Variants in NTRK2 observed in about 807,000 individuals in gnomAD.
The protein encoded by NTRK2 is BDNF/NT-3 growth factors receptor.
NTRK2 carries 13 observed loss-of-function variants against 94.5 expected under a neutral mutation model. That is an observed-to-expected ratio of 0.14 (90% CI 0.09 to 0.22). The LOEUF (loss-of-function observed/expected upper bound fraction) is 0.22. Ranked by LOEUF, NTRK2 falls within the 10% of genes least tolerant of loss-of-function variation. The probability of loss-of-function intolerance (pLI) is 1.00; values close to 1 mark genes in which losing one functional copy is unlikely to be tolerated. For synonymous variants in NTRK2, 372 were observed against 407.4 expected, an observed-to-expected ratio of 0.91 and a Z score of 1.05; for missense variants, 639 against 1,071.2, an observed-to-expected ratio of 0.60 and a Z score of 5.63.
intron 2 of NTRK2, among the ~76,000 whole-genome samples, chr9:84,686,630 G>A (rs1564050867): frequency 6.6e-6 from 1 of 152,160 alleles, no homozygotes; most frequent in African/African-American, 2.4e-5. Context: ...CAAACATCAG[G>A]AGTATAAAAA....
intron 14 of NTRK2, chr9:84,875,698 A>G (rs1210708510): frequency 8.5e-6 from 9 of 1,054,076 alleles, no homozygotes; most frequent in Non-Finnish European, 9.2e-6. Flanking sequence ...CCTTTTGGTC[A>G]CTCCCAGCTT....
At chr9:84,823,356 A>G (rs781271246) in intron 12 of NTRK2, among the ~76,000 whole-genome samples, 2 of 152,240 alleles carry the variant, frequency 1.3e-5, no homozygotes, top group Non-Finnish European at 1.5e-5. Flanking sequence ...TGTTTATGGA[A>G]GTGTACATCA....
chr9:84,766,484 G>A (rs2066037601), intron 12 of NTRK2, among the ~76,000 whole-genome samples: 1 of 152,128 alleles, frequency 6.6e-6, no homozygotes, highest in Non-Finnish European at 1.5e-5. Context: ...GAGATTAAAT[G>A]TGGGCAGCAC....
In NTRK2 at chr9:85,025,080, TTGC is replaced by T. The variant is rs2118107951; in HGVS notation, c.*3646_*3648del. On this transcript the variant is annotated 3_prime_UTR_variant, in exon 19 of 19. Transcript: ENST00000277120. ...ATAACCAAAACTGTTTAACGTCATG[TTGC>T]TGTTAGTGCTTCCATACTCCACGTG... 1 of 233,154 alleles carries T rather than the reference TTGC, an allele frequency of 4.3e-6. No homozygotes were observed. Among genetic ancestry groups the T allele is most frequent in the East Asian group, 6.0e-5 (1 of 16,544 alleles). 14.4% of individuals were successfully genotyped at this position (233,154 alleles called of 1,614,324 possible).
At chr9:84,872,188 C>G in intron 14 of NTRK2, 2 of 1,151,518 alleles carry the variant, frequency 1.7e-6, no homozygotes, top group East Asian at 7.3e-5. Flanking sequence ...GGGTGGTTTC[C>G]CAGTAAAATT....
intron 9 of NTRK2, among the ~76,000 whole-genome samples, chr9:84,735,526 G>T (rs1249619361): frequency 6.6e-6 from 1 of 152,152 alleles, no homozygotes; most frequent in Non-Finnish European, 1.5e-5. Flanking sequence ...CTTTCCCTGA[G>T]GATATCAAAT....
Position 84,923,839 on chromosome 9 carries a change from G to A in NTRK2, c.1634-10323G>A, listed in dbSNP as rs140252817. On this transcript the variant is annotated intron_variant, in intron 14 of 18. Coordinates refer to ENST00000277120, the MANE Select transcript of NTRK2 (RefSeq NM_006180.6). ...AGGTTGAGCCCGGGAGGCGGAGGTC[G>A]CAGTGAACTGAGATCGCGCCACTGC... Among the ~76,000 whole-genome samples, 277 of 152,030 alleles carry A rather than the reference G, an allele frequency of 1.8e-3. 8 individuals are homozygous for A. Among genetic ancestry groups the A allele is most frequent in the Admixed American group, 0.014 (211 of 15,278 alleles).
chr9:84,724,961 T>G (rs1180687790), intron 8 of NTRK2, among the ~76,000 whole-genome samples: 4 of 152,236 alleles, frequency 2.6e-5, no homozygotes, highest in Admixed American at 2.6e-4. Context: ...TAAACATAAG[T>G]ACATTGTTTT....
rs1403151953 is a variant in NTRK2, at chr9:85,022,096, GATTTATTAT to G, written c.*660_*668del. On this transcript the variant is annotated 3_prime_UTR_variant, in exon 19 of 19. Transcript: ENST00000277120. ...GGAGATTAAAACCAGAGAGAAAGAA[GATTTATTAT>G]GAACCGCAATATGGGAGGAACAAAG... 8.6e-6 allele frequency: 2 copies of G among 233,326 alleles called. No individual in the cohort carries two copies. The highest frequency in any genetic ancestry group is 4.4e-5 in the African/African-American group (2 of 45,362). 14.5% of individuals were successfully genotyped at this position (233,326 alleles called of 1,614,324 possible).
intron 14 of NTRK2, among the ~76,000 whole-genome samples, chr9:84,930,905 T>C (rs1405766106): frequency 1.3e-5 from 2 of 152,158 alleles, no homozygotes; most frequent in African/African-American, 2.4e-5. Flanking sequence ...TCCCAGAGAA[T>C]AGAGCTATTT....
intron 12 of NTRK2, among the ~76,000 whole-genome samples, chr9:84,759,520 T>C (rs1478165697): frequency 6.6e-6 from 1 of 152,246 alleles, no homozygotes; most frequent in African/African-American, 2.4e-5. Context: ...AGAAAGTGCA[T>C]GCAATATTGT....
chr9:84,779,053 C>G (rs2067314077), intron 12 of NTRK2, among the ~76,000 whole-genome samples: 1 of 152,184 alleles, frequency 6.6e-6, no homozygotes, highest in Non-Finnish European at 1.5e-5. Flanking sequence ...TTCCCTCTCC[C>G]TTGGGTAATA....
chr9:84,766,421 T>C (rs1284642350), intron 12 of NTRK2, among the ~76,000 whole-genome samples: 3 of 152,138 alleles, frequency 2.0e-5, no homozygotes, highest in African/African-American at 7.2e-5. Flanking sequence ...TGAGGAGTAC[T>C]TGTCTTATCC....
chr9:84,770,094 G>A lies in NTRK2; in HGVS notation c.1396+18009G>A, dbSNP rs200165754. 1.1e-3 allele frequency among the ~76,000 whole-genome samples: 167 copies of A among 151,010 alleles called. No homozygotes were observed. In the East Asian group the frequency reaches 0.012, roughly 10 times the overall value. ...CTGAGGGTCACGCACCTGGAACCTT[G>A]TTCAGAGGGCTGGACTTGAGCTAGT... On this transcript the variant is annotated intron_variant, in intron 12 of 18. Transcript: ENST00000277120.
At chr9:85,014,894 A>G (rs548083161) in intron 17 of NTRK2, among the ~76,000 whole-genome samples, 3 of 152,344 alleles carry the variant, frequency 2.0e-5, no homozygotes, top group East Asian at 3.9e-4. Flanking sequence ...ATTAAGGGCT[A>G]AAAGAACAGT....
At chr9:84,887,208 A>T (rs2076442820) in intron 14 of NTRK2, among the ~76,000 whole-genome samples, 1 of 152,196 alleles carries the variant, frequency 6.6e-6, no homozygotes, top group African/African-American at 2.4e-5. Flanking sequence ...TATTTCAGGA[A>T]ATGTAAGGGG....
intron 12 of NTRK2, among the ~76,000 whole-genome samples, chr9:84,834,765 C>T (rs1218963344): frequency 6.6e-6 from 1 of 152,150 alleles, no homozygotes; most frequent in Non-Finnish European, 1.5e-5. Context: ...ACAGGGCCAC[C>T]TTCATGGGAC....
In NTRK2 at chr9:84,908,088, A is replaced by AAAAC. The variant is rs574834682; in HGVS notation, c.1634-26054_1634-26051dup. On this transcript the variant is annotated intron_variant, in intron 14 of 18. Transcript: ENST00000277120. ...TTATTCTACTACTGGCTACCAAAAC[A>AAAAC]AAACAAACAAACAAACAAACAAAAA... Among the ~76,000 whole-genome samples, 31 of 152,348 alleles carry AAAAC rather than the reference A, an allele frequency of 2.0e-4. No individual in the cohort carries two copies. In the South Asian group the frequency reaches 3.7e-3, roughly 18 times the overall value.
At chr9:84,832,563 G>A (rs753374022) in intron 12 of NTRK2, among the ~76,000 whole-genome samples, 2 of 152,214 alleles carry the variant, frequency 1.3e-5, no homozygotes, top group Non-Finnish European at 2.9e-5. Flanking sequence ...TGTAGAAGCA[G>A]CACAGGCCCA....
Sources: allele counts gnomAD v4.1 joint callset (sites outside exome capture counted in the v4.1 genomes callset), GRCh38; gene constraint gnomAD v4.1.1; transcripts MANE v1.5; gene names NCBI Gene and HGNC (gene_info 2026-07-23, HGNC 2026-07-21).